PURB: variants seen among roughly 807,000 people sequenced by gnomAD.
PURB encodes purine rich element binding protein B.
Under a neutral mutation model 21.1 loss-of-function variants are expected in PURB, and 11 were observed. That is an observed-to-expected ratio of 0.52 (90% CI 0.33 to 0.86). The LOEUF is 0.86. PURB is among the 40% of genes least tolerant of loss of function. The pLI is 0.02. For missense variants in PURB, 357 were observed against 456.5 expected (o/e 0.78, Z 1.99); for synonymous variants, 246 against 210.8 (o/e 1.17, Z -1.45).
At position 44,884,983 on chromosome 7, in the gene PURB, T is replaced by G. The variant is rs866236662; in HGVS notation, c.366A>C (p.Glu122Asp). ...ACTTGCGGTTCTCACGCACCAAGAA[T>G]TCGCTCTTGAGCGCGCGCCGCGGCC... ...GGGPRRALKSEFLVRENRKYY... is the reference protein window; with the variant it reads ...GGGPRRALKSDFLVRENRKYY... The change falls in exon 1 of 1, where the codon GAA (glutamate) becomes GAC (aspartate). Residue 122 changes from glutamate (E) to aspartate (D), a missense_variant. Physicochemically the swap from Glu to Asp is conservative, Grantham distance 45 (BLOSUM62 2). Transcript: ENST00000395699. 1 of 1,561,446 alleles carries G rather than the reference T, an allele frequency of 6.4e-7. No homozygotes were observed. Among genetic ancestry groups the G allele is most frequent in the South Asian group, 1.2e-5 (1 of 86,068 alleles).
Position 44,885,194 on chromosome 7 carries a change from T to C in PURB, c.155A>G (p.Gln52Arg). The change falls in exon 1 of 1, where the codon CAG becomes CGG. Residue 52 changes from glutamine (Q) to arginine (R), a missense_variant. Physicochemically the swap from Gln to Arg is conservative, Grantham distance 43. Coordinates refer to ENST00000395699, the MANE Select transcript of PURB (RefSeq NM_033224.5). ...QNKRFYLDVK[Q>R]NAKGRFLKIA... ...CTTGAGGAAGCGGCCCTTGGCGTTCTGCTTCACATCTAAGTAGAAGCGCTT... is the reference window on the plus strand; with the variant it reads ...CTTGAGGAAGCGGCCCTTGGCGTTCCGCTTCACATCTAAGTAGAAGCGCTT... 1 of 1,587,950 alleles carries C rather than the reference T, an allele frequency of 6.3e-7. No individual in the cohort carries two copies. Among genetic ancestry groups the C allele is most frequent in the South Asian group, 1.1e-5 (1 of 88,956 alleles).
rs1206545859 is a variant in PURB, at chr7:44,883,397, T to C, written c.*1013A>G. ...TTAAAATCCAGCCAACCAGTGGCTG[T>C]AACAGCCGAATTAGCCATAATTCAC... On this transcript the variant is annotated 3_prime_UTR_variant, in exon 1 of 1. Transcript: ENST00000395699. The C allele has an allele frequency of 6.6e-6, 1 of 152,634 alleles. No individual in the cohort carries two copies. The highest frequency in any genetic ancestry group is 1.5e-5 in the Non-Finnish European group (1 of 68,036). 9.5% of individuals were successfully genotyped at this position (152,634 alleles called of 1,614,324 possible).
In PURB at chr7:44,878,692, CA is replaced by C. The variant is rs1246400246; in HGVS notation, c.*5717del. The C allele has an allele frequency of 2.0e-5, 3 of 152,590 alleles. No homozygotes were observed. The highest frequency in any genetic ancestry group is 6.5e-5 in the Admixed American group (1 of 15,272). The allele number at this position is 152,590 out of a possible 1,614,324, so 9.5% of individuals were successfully genotyped here. Reference sequence around the variant, plus strand: ...ACATTCATAAAGGCCTTACTTGGATCAGGGGTACAGATATCAATTGGGAATC... The same window carrying C: ...ACATTCATAAAGGCCTTACTTGGATCGGGGTACAGATATCAATTGGGAATC... On this transcript the variant is annotated 3_prime_UTR_variant, in exon 1 of 1. Coordinates refer to ENST00000395699, the MANE Select transcript of PURB (RefSeq NM_033224.5).
At position 44,880,999 on chromosome 7, in the gene PURB, T is replaced by C. The variant is rs1315674435; in HGVS notation, c.*3411A>G. On this transcript the variant is annotated 3_prime_UTR_variant, in exon 1 of 1. Transcript: ENST00000395699. ...ACTGAAAAACTTGCTGCTGTTCCAC[T>C]TGCTGAAATGATAGGGACAATAGAA... is the stretch of plus-strand genomic sequence containing the variant. 6.6e-6 allele frequency: 1 copy of C among 152,616 alleles called. No individual in the cohort carries two copies. The highest frequency in any genetic ancestry group is 1.5e-5 in the Non-Finnish European group (1 of 68,032). The allele number at this position is 152,616 out of a possible 1,614,324, so 9.5% of individuals were successfully genotyped here. A position where few individuals can be genotyped will look rare whatever the true frequency, so the allele number is the denominator to read the frequency against.
rs542966651 is a variant in PURB, at chr7:44,880,680, G to A, written c.*3730C>T. On this transcript the variant is annotated 3_prime_UTR_variant, in exon 1 of 1. Transcript: ENST00000395699. ...AGACAGGATAATTGTTTTGTTTTGAGAAAACTGAAGCTTAAATCTCTTAAA... is the reference window on the plus strand; with the variant it reads ...AGACAGGATAATTGTTTTGTTTTGAAAAAACTGAAGCTTAAATCTCTTAAA... The A allele has an allele frequency of 6.6e-6, 1 of 152,634 alleles. No individual in the cohort carries two copies. Among genetic ancestry groups the A allele is most frequent in the African/African-American group, 2.4e-5 (1 of 41,480 alleles). The allele number at this position is 152,634 out of a possible 1,614,324, so 9.5% of individuals were successfully genotyped here. A position where few individuals can be genotyped will look rare whatever the true frequency, so the allele number is the denominator to read the frequency against.
Position 44,884,267 on chromosome 7 carries a change from C to G in PURB, c.*143G>C, listed in dbSNP as rs1184315305. 6.9e-7 allele frequency: 1 copy of G among 1,447,572 alleles called. No homozygotes were observed. Among genetic ancestry groups the G allele is most frequent in the Non-Finnish European group, 9.1e-7 (1 of 1,101,024 alleles). 89.7% of individuals were successfully genotyped at this position (1,447,572 alleles called of 1,614,324 possible). On this transcript the variant is annotated 3_prime_UTR_variant, in exon 1 of 1. Transcript: ENST00000395699. ...TCACTGTTCTCTTACGATTATTTCTCTTAACTGTGTTACGTTTTGTTTTTT... is the reference window on the plus strand; with the variant it reads ...TCACTGTTCTCTTACGATTATTTCTGTTAACTGTGTTACGTTTTGTTTTTT...
In PURB at chr7:44,885,293, A is replaced by C; in HGVS notation, c.56T>G (p.Phe19Cys). The C allele has an allele frequency of 6.6e-7, 1 of 1,516,444 alleles. No homozygotes were observed. Among genetic ancestry groups the C allele is most frequent in the Non-Finnish European group, 8.7e-7 (1 of 1,143,444 alleles). The allele number at this position is 1,516,444 out of a possible 1,614,324, so 93.9% of individuals were successfully genotyped here. The change falls in exon 1 of 1, where the codon TTC (phenylalanine) becomes TGC (cysteine). Residue 19 changes from phenylalanine to cysteine, a missense_variant. Physicochemically the swap from Phe to Cys is radical, Grantham distance 205. Transcript: ENST00000395699. ...GCCGCCGCCGCGGGACGCGGGCTGG[A>C]ACCCGCACGGCCCACCGCCGCCGCC... is the stretch of plus-strand genomic sequence containing the variant. ...ERGGGGGPCG[F>C]QPASRGGGEQ...
At position 44,877,298 on chromosome 7, in the gene PURB, T is replaced by A. The variant is rs1466053852; in HGVS notation, c.*7112A>T. 1 of 152,182 alleles carries A rather than the reference T, an allele frequency of 6.6e-6. No homozygotes were observed. The allele number at this position is 152,182 out of a possible 1,614,324, so 9.4% of individuals were successfully genotyped here. Reference sequence around the variant, plus strand: ...CTGGATGGAGGCCCAAAATAATAAATCCCTACTATAATTGTTTTAGAACTT... The same window carrying A: ...CTGGATGGAGGCCCAAAATAATAAAACCCTACTATAATTGTTTTAGAACTT... On this transcript the variant is annotated 3_prime_UTR_variant, in exon 1 of 1. Coordinates refer to ENST00000395699, the MANE Select transcript of PURB (RefSeq NM_033224.5).
chr7:44,881,398 T>C lies in PURB; in HGVS notation c.*3012A>G, dbSNP rs1389161704. ...TGAATCTGTGTTTTGCAGGTTTCTATTGTCCCTAGTGACTGGAGTGAAGAT... is the reference window on the plus strand; with the variant it reads ...TGAATCTGTGTTTTGCAGGTTTCTACTGTCCCTAGTGACTGGAGTGAAGAT... On this transcript the variant is annotated 3_prime_UTR_variant, in exon 1 of 1. Transcript: ENST00000395699. 1 of 152,574 alleles carries C rather than the reference T, an allele frequency of 6.6e-6. No individual in the cohort carries two copies. Among genetic ancestry groups the C allele is most frequent in the Non-Finnish European group, 1.5e-5 (1 of 68,004 alleles). 9.5% of individuals were successfully genotyped at this position (152,574 alleles called of 1,614,324 possible).
rs763055909 is a variant in PURB at position 44,885,036 on chromosome 7, G to C, written c.313C>G (p.Leu105Val). 1 of 1,550,092 alleles carries C rather than the reference G, an allele frequency of 6.5e-7. No homozygotes were observed. Among genetic ancestry groups the C allele is most frequent in the East Asian group, 2.4e-5 (1 of 41,122 alleles). Residue 105 changes from leucine (L) to valine (V), a missense_variant, in exon 1 of 1, where the codon CTG (leucine) becomes GTG (valine). By Grantham distance (32) the Leu-to-Val change is conservative. Coordinates refer to ENST00000395699, the MANE Select transcript of PURB (RefSeq NM_033224.5). Reference protein sequence around the residue: ...AQLGPSSPEQLAAGAEEGGGP... With the variant: ...AQLGPSSPEQVAAGAEEGGGP... Reference sequence around the variant, plus strand: ...CCGCCCTCCTCGGCGCCAGCCGCCAGCTGCTCGGGGCTGCTAGGGCCCAGC... The same window carrying C: ...CCGCCCTCCTCGGCGCCAGCCGCCACCTGCTCGGGGCTGCTAGGGCCCAGC...
Position 44,877,108 on chromosome 7 carries a change from T to C in PURB, c.*7302A>G, listed in dbSNP as rs1378506582. On this transcript the variant is annotated 3_prime_UTR_variant, in exon 1 of 1. Coordinates refer to ENST00000395699, the MANE Select transcript of PURB (RefSeq NM_033224.5). The stretch of plus-strand genomic sequence containing the variant: ...GGTTTTAATTCATTCAAATTATTTC[T>C]GTAGATTCTCTACTGGCAGGACATC... The C allele has an allele frequency of 6.6e-6, 1 of 152,654 alleles. No individual in the cohort carries two copies. Among genetic ancestry groups the C allele is most frequent in the Admixed American group, 6.5e-5 (1 of 15,284 alleles). 9.5% of individuals were successfully genotyped at this position (152,654 alleles called of 1,614,324 possible).
In PURB at chr7:44,885,412, C is replaced by T; in HGVS notation, c.-64G>A. ...TCGCGCCCCCGCCCTCCGGCTCGCGCTCCGGGGCCCCCCAGCCTCGCCCGC... is the reference window on the plus strand; with the variant it reads ...TCGCGCCCCCGCCCTCCGGCTCGCGTTCCGGGGCCCCCCAGCCTCGCCCGC... On this transcript the variant is annotated 5_prime_UTR_variant, in exon 1 of 1. Coordinates refer to ENST00000395699, the MANE Select transcript of PURB (RefSeq NM_033224.5). The T allele has an allele frequency of 4.9e-6, 3 of 614,166 alleles. No individual in the cohort carries two copies. The highest frequency in any genetic ancestry group is 6.1e-6 in the Non-Finnish European group (3 of 488,684). 38.0% of individuals were successfully genotyped at this position (614,166 alleles called of 1,614,324 possible).
Position 44,879,399 on chromosome 7 carries a change from G to GT in PURB, c.*5010dup, listed in dbSNP as rs890397655. On this transcript the variant is annotated 3_prime_UTR_variant, in exon 1 of 1. Coordinates refer to ENST00000395699, the MANE Select transcript of PURB (RefSeq NM_033224.5). ...TTGTCTGTATTTTCTTAAGGTAAAT[G>GT]TGTTTTTTTTTTTTTCTTTTTTCTT... The GT allele has an allele frequency of 1.6e-5, 2 of 124,294 alleles. No homozygotes were observed. The highest frequency in any genetic ancestry group is 5.5e-5 in the African/African-American group (2 of 36,070). The allele number at this position is 124,294 out of a possible 1,614,324, so 7.7% of individuals were successfully genotyped here. A position where few individuals can be genotyped will look rare whatever the true frequency, so the allele number is the denominator to read the frequency against.
In PURB at chr7:44,876,359, A is replaced by G. The variant is rs1198670479; in HGVS notation, c.*8051T>C. On this transcript the variant is annotated 3_prime_UTR_variant, in exon 1 of 1. Transcript: ENST00000395699. ...ACAATTTTTTTTAAATATAGACTGT[A>G]AAACTCCATTTGCAAAAGTCTATTG... 6.6e-5 allele frequency: 10 copies of G among 152,642 alleles called. No homozygotes were observed. 9.5% of individuals were successfully genotyped at this position (152,642 alleles called of 1,614,324 possible).
rs1392706877 is a variant in PURB at position 44,881,375 on chromosome 7, A to C, written c.*3035T>G. On this transcript the variant is annotated 3_prime_UTR_variant, in exon 1 of 1. Coordinates refer to ENST00000395699, the MANE Select transcript of PURB (RefSeq NM_033224.5). ...AAGCTATTAATAATATTTACGAATGAATCTGTGTTTTGCAGGTTTCTATTG... is the reference window on the plus strand; with the variant it reads ...AAGCTATTAATAATATTTACGAATGCATCTGTGTTTTGCAGGTTTCTATTG... The C allele has an allele frequency of 2.0e-5, 3 of 152,542 alleles. No homozygotes were observed. The highest frequency in any genetic ancestry group is 7.2e-5 in the African/African-American group (3 of 41,444). 9.4% of individuals were successfully genotyped at this position (152,542 alleles called of 1,614,324 possible).
At position 44,882,555 on chromosome 7, in the gene PURB, C is replaced by T. The variant is rs1793892553; in HGVS notation, c.*1855G>A. ...TTTTATGTACACAATTATTTCCCGC[C>T]CTCTCAGCCACAAATACATGAAAAC... is the stretch of plus-strand genomic sequence containing the variant. On this transcript the variant is annotated 3_prime_UTR_variant, in exon 1 of 1. Coordinates refer to ENST00000395699, the MANE Select transcript of PURB (RefSeq NM_033224.5). 1 of 152,192 alleles carries T rather than the reference C, an allele frequency of 6.6e-6. No individual in the cohort carries two copies. The allele number at this position is 152,192 out of a possible 1,614,324, so 9.4% of individuals were successfully genotyped here. A position where few individuals can be genotyped will look rare whatever the true frequency, so the allele number is the denominator to read the frequency against.
Position 44,883,998 on chromosome 7 carries a change from T to A in PURB, c.*412A>T. The A allele has an allele frequency of 9.1e-6, 2 of 220,634 alleles. No homozygotes were observed. The highest frequency in any genetic ancestry group is 2.4e-4 in the East Asian group (2 of 8,476). 13.7% of individuals were successfully genotyped at this position (220,634 alleles called of 1,614,324 possible). ...CAGTGAGGCCTAGAGAGATCTTTTA[T>A]GCCAGATTACCCAGGTGCAACCTAA... On this transcript the variant is annotated 3_prime_UTR_variant, in exon 1 of 1. Transcript: ENST00000395699.
Position 44,885,305 on chromosome 7 carries a change from C to A in PURB, c.44G>T (p.Gly15Val). The change falls in exon 1 of 1, where the codon GGG (glycine) becomes GTG (valine). Residue 15 changes from glycine (G) to valine (V), a missense_variant. Physicochemically the swap from Gly to Val is moderately radical, Grantham distance 109. Transcript: ENST00000395699. Reference sequence around the variant, plus strand: ...GGACGCGGGCTGGAACCCGCACGGCCCACCGCCGCCGCCGCGCTCGCTGCC... The same window carrying A: ...GGACGCGGGCTGGAACCCGCACGGCACACCGCCGCCGCCGCGCTCGCTGCC... Reference protein sequence around the residue: ...DSGSERGGGGGPCGFQPASRG... With the variant: ...DSGSERGGGGVPCGFQPASRG... The A allele has an allele frequency of 7.2e-7, 1 of 1,392,554 alleles. No homozygotes were observed. The highest frequency in any genetic ancestry group is 9.3e-7 in the Non-Finnish European group (1 of 1,080,700). 86.3% of individuals were successfully genotyped at this position (1,392,554 alleles called of 1,614,324 possible). A position where few individuals can be genotyped will look rare whatever the true frequency, so the allele number is the denominator to read the frequency against.
In PURB at chr7:44,885,149, C is replaced by T; in HGVS notation, c.200G>A (p.Gly67Asp). The T allele has an allele frequency of 6.4e-7, 1 of 1,571,634 alleles. No individual in the cohort carries two copies. Among genetic ancestry groups the T allele is most frequent in the Non-Finnish European group, 8.6e-7 (1 of 1,164,988 alleles). ...CAGCGTGAGGCGGCTCTTGGAACCG[C>T]CCGCGCCCACCTCGGCGATCTTGAG... ...RFLKIAEVGA[G>D]GSKSRLTLSM... Residue 67 changes from glycine to aspartate, a missense_variant, in exon 1 of 1, where the codon GGC becomes GAC. Physicochemically the swap from Gly to Asp is moderately conservative, Grantham distance 94. Transcript: ENST00000395699.
Sources: allele counts gnomAD v4.1 joint callset, GRCh38; gene constraint gnomAD v4.1.1; transcripts MANE v1.5; gene names NCBI Gene and HGNC (gene_info 2026-07-23, HGNC 2026-07-21).